Variants in TMEM132E observed in about 807,000 individuals in gnomAD.
TMEM132E encodes transmembrane protein 132E.
Under a neutral mutation model 78.5 loss-of-function variants are expected in TMEM132E, and 49 were observed. The observed-to-expected ratio is 0.62, with a 90% confidence interval of 0.50 to 0.79. TMEM132E has a LOEUF of 0.79. Among genes scored for constraint, TMEM132E ranks in the 30% least tolerant of loss-of-function variants. The probability of loss-of-function intolerance (pLI) is 0.00; values close to 1 mark genes in which losing one functional copy is unlikely to be tolerated. For synonymous variants in TMEM132E, 715 were observed against 670.6 expected, an observed-to-expected ratio of 1.07 and a Z score of -1.02; for missense variants, 1,403 against 1,470.9, an observed-to-expected ratio of 0.95 and a Z score of 0.75.
At chr17:34,623,410 C>T (rs567086459) in intron 1 of TMEM132E, among the ~76,000 whole-genome samples, 18 of 151,448 alleles carry the variant, frequency 1.2e-4, no homozygotes, top group South Asian at 2.1e-4. Context: ...CTCCCCCCCC[C>T]CCCCCCGTCC....
intron 1 of TMEM132E, among the ~76,000 whole-genome samples, chr17:34,591,034 A>G (rs535276731): frequency 7.6e-4 from 115 of 152,302 alleles, no homozygotes; most frequent in African/African-American, 2.6e-3. Flanking sequence ...GCCGCTTACC[A>G]GCAGCCTGAC....
chr17:34,612,894 G>A (rs1486296241), intron 1 of TMEM132E, among the ~76,000 whole-genome samples: 1 of 152,090 alleles, frequency 6.6e-6, no homozygotes, highest in African/African-American at 2.4e-5. Flanking sequence ...GAAAGATGCA[G>A]TTTTCCCAGA....
At chr17:34,627,648 T>C (rs1377023797) in intron 2 of TMEM132E, among the ~76,000 whole-genome samples, 1 of 152,160 alleles carries the variant, frequency 6.6e-6, no homozygotes, top group Non-Finnish European at 1.5e-5. Flanking sequence ...CCAAAAATGA[T>C]AATATTTCAC....
At chr17:34,586,997 T>C (rs1905702942) in intron 1 of TMEM132E, among the ~76,000 whole-genome samples, 1 of 152,212 alleles carries the variant, frequency 6.6e-6, no homozygotes, top group Non-Finnish European at 1.5e-5. Flanking sequence ...TACATGACTT[T>C]TTTTGTTCAG....
intron 1 of TMEM132E, among the ~76,000 whole-genome samples, chr17:34,589,414 C>T (rs1241784706): frequency 2.0e-5 from 3 of 152,216 alleles, no homozygotes; most frequent in Non-Finnish European, 4.4e-5. Flanking sequence ...GCCGGCTGTT[C>T]TCATCTGCCC....
At chr17:34,605,628 C>G (rs182690859) in intron 1 of TMEM132E, among the ~76,000 whole-genome samples, 1 of 152,318 alleles carries the variant, frequency 6.6e-6, no homozygotes, top group East Asian at 1.9e-4. Flanking sequence ...TTCCAAGCAT[C>G]TAGGAAAGAA....
chr17:34,629,157 C>G lies in TMEM132E; in HGVS notation c.1291C>G (p.Leu431Val). The change falls in exon 4 of 9, where the codon CTG (leucine) becomes GTG (valine). Residue 431 changes from leucine (L) to valine (V), a missense_variant. Around this residue, in one of 3 missense-constraint regions of TMEM132E, gnomAD observed 888 missense variants for 952.8 expected, o/e 0.93. Coordinates refer to ENST00000631683, the MANE Select transcript of TMEM132E (RefSeq NM_001304438.2). ...TGACCTGGAGCGGGCAGTCACTGAG[C>G]TGACGGTCATTCAGCGGGATGTGCA... is the stretch of plus-strand genomic sequence containing the variant. ...LPDLERAVTE[L>V]TVIQRDVQAI... 1 of 1,614,146 alleles carries G rather than the reference C, an allele frequency of 6.2e-7. No homozygotes were observed. The highest frequency in any genetic ancestry group is 8.5e-7 in the Non-Finnish European group (1 of 1,180,006).
At chr17:34,581,564 G>C (rs994495721) in intron 1 of TMEM132E, among the ~76,000 whole-genome samples, 3 of 152,054 alleles carry the variant, frequency 2.0e-5, no homozygotes, top group African/African-American at 7.2e-5. Context: ...CTCGCCCCGG[G>C]CGCGCAGGCC....
intron 2 of TMEM132E, among the ~76,000 whole-genome samples, chr17:34,627,467 C>CGTGTGTGTGT (rs145658598): frequency 0.044 from 5,525 of 126,456 alleles, 204 homozygotes; most frequent in African/African-American, 0.051. Flanking sequence ...CCAAAAGAAT[C>CGTGTGTGTGT]GTGTGTGTGT....
chr17:34,626,074 C>A, intron 1 of TMEM132E, 53 bp from the exon 2 acceptor site: 1 of 1,427,588 alleles, frequency 7.0e-7, no homozygotes, highest in South Asian at 1.5e-5. Flanking sequence ...CCCTGGGGTC[C>A]CAGCGTGGCC....
At position 34,637,757 on chromosome 17, in the gene TMEM132E, G is replaced by A. The variant is rs757230221; in HGVS notation, c.2750G>A (p.Arg917Gln). The change falls in exon 9 of 9, where the codon CGG becomes CAG. Residue 917 changes from arginine to glutamine, a missense_variant. By Grantham distance (43) the Arg-to-Gln change is conservative. Transcript: ENST00000631683. ...TGCATCGTTTTTGTGCTGCGCTACC[G>A]GCACAAGCGCATCCCGCCCGAGGGC... ...INCIVFVLRYRHKRIPPEGQT... is the reference protein window; with the variant it reads ...INCIVFVLRYQHKRIPPEGQT... 16 of 1,613,462 alleles carry A rather than the reference G, an allele frequency of 9.9e-6. No individual in the cohort carries two copies. Among genetic ancestry groups the A allele is most frequent in the East Asian group, 8.9e-5 (4 of 44,880 alleles).
intron 1 of TMEM132E, among the ~76,000 whole-genome samples, chr17:34,592,537 C>T (rs181112189): frequency 2.0e-5 from 3 of 152,130 alleles, no homozygotes; most frequent in South Asian, 2.1e-4. Context: ...AGGCTTGAAC[C>T]CTGAAGATCC....
chr17:34,625,251 C>T (rs1372163083), intron 1 of TMEM132E, among the ~76,000 whole-genome samples: 1 of 152,046 alleles, frequency 6.6e-6, no homozygotes. Flanking sequence ...TGGCAGCTTC[C>T]TTGGTGGGTA....
intron 1 of TMEM132E, among the ~76,000 whole-genome samples, chr17:34,582,311 A>C (rs913507978): frequency 3.3e-5 from 5 of 152,062 alleles, no homozygotes; most frequent in African/African-American, 1.2e-4. Context: ...AGTCCCTAAG[A>C]GCCTGCTCAA....
At chr17:34,613,216 C>CGCGT (rs1413802996) in intron 1 of TMEM132E, among the ~76,000 whole-genome samples, 7 of 150,280 alleles carry the variant, frequency 4.7e-5, no homozygotes, top group Admixed American at 6.6e-5. Context: ...CACACACGCG[C>CGCGT]GCGCGCGCGC....
intron 1 of TMEM132E, among the ~76,000 whole-genome samples, chr17:34,603,361 CTTG>C (rs1906303520): frequency 6.6e-6 from 1 of 152,136 alleles, no homozygotes; most frequent in African/African-American, 2.4e-5. Flanking sequence ...TCAACCCCCT[CTTG>C]TTATTACTGG....
rs111462395 is a variant in TMEM132E at position 34,599,539 on chromosome 17, T to A, written c.67+18396T>A. On this transcript the variant is annotated intron_variant, in intron 1 of 8. Coordinates refer to ENST00000631683, the MANE Select transcript of TMEM132E (RefSeq NM_001304438.2). ...AGTAGGGGGACAGGGCAGGTGTTAA[T>A]TTCGTAATGAATTTGGTGGATTCAG... is the stretch of plus-strand genomic sequence containing the variant. Among the ~76,000 whole-genome samples, 1,212 of 152,332 alleles carry A rather than the reference T, an allele frequency of 8.0e-3. 22 individuals are homozygous for A. Among genetic ancestry groups the A allele is most frequent in the African/African-American group, 0.028 (1,147 of 41,570 alleles).
At chr17:34,604,315 G>A (rs897910160) in intron 1 of TMEM132E, among the ~76,000 whole-genome samples, 1 of 152,136 alleles carries the variant, frequency 6.6e-6, no homozygotes, top group Non-Finnish European at 1.5e-5. Context: ...GACCATGACA[G>A]CTGCATTCTG....
In TMEM132E at chr17:34,580,749, C is replaced by A; in HGVS notation, c.-328C>A. ...AGATTCAGCACTGGGCTCTAGGTAG[C>A]CCCCGGGACGCCCGCGGCCACCGGG... On this transcript the variant is annotated 5_prime_UTR_variant, in exon 1 of 9. Transcript: ENST00000631683. The A allele has an allele frequency of 3.4e-6, 1 of 290,338 alleles. No individual in the cohort carries two copies. 18.0% of individuals were successfully genotyped at this position (290,338 alleles called of 1,614,324 possible).
Sources: allele counts gnomAD v4.1 joint callset (sites outside exome capture counted in the v4.1 genomes callset), GRCh38; gene constraint gnomAD v4.1.1; regional missense constraint gnomAD v4.1.1; transcripts MANE v1.5; gene names NCBI Gene and HGNC (gene_info 2026-07-23, HGNC 2026-07-21).